CARHSP1: variants seen among roughly 807,000 people sequenced by gnomAD.
The protein encoded by CARHSP1 is calcium regulated heat stable protein 1.
In CARHSP1, 14 loss-of-function variants were observed where a neutral mutation model predicts 12.5. The observed-to-expected ratio is 1.12, with a 90% CI of 0.74 to 1.75. The LOEUF (loss-of-function observed/expected upper bound fraction) is 1.75. Ranked by LOEUF, CARHSP1 falls within the 40% of genes most tolerant of loss-of-function variation. CARHSP1 has a pLI of 0.00. For synonymous variants in CARHSP1, 161 were observed against 82.0 expected, an observed-to-expected ratio of 1.96 and a Z score of -5.20; for missense variants, 343 against 201.6, an observed-to-expected ratio of 1.70 and a Z score of -4.25.
chr16:8,856,513 T>TC (rs767751635), intron 3 of CARHSP1, among the ~76,000 whole-genome samples: 13 of 152,192 alleles, frequency 8.5e-5, no homozygotes, highest in Admixed American at 3.3e-4. Context: ...CAAAATCCTT[T>TC]CTGGGACAAG....
chr16:8,865,275 A>T (rs965685264), intron 1 of CARHSP1, among the ~76,000 whole-genome samples: 1 of 151,884 alleles, frequency 6.6e-6, no homozygotes, highest in Non-Finnish European at 1.5e-5. Context: ...ACACCCAGCC[A>T]ATTGTTGTAT....
chr16:8,856,945 G>C (rs1324851117), intron 3 of CARHSP1, among the ~76,000 whole-genome samples: 1 of 152,150 alleles, frequency 6.6e-6, no homozygotes, highest in Non-Finnish European at 1.5e-5. Context: ...AAGGACGTCA[G>C]TAAGCATGCA....
chr16:8,858,955 C>T (rs2061248550), intron 2 of CARHSP1: 1 of 479,150 alleles, frequency 2.1e-6, no homozygotes, highest in African/African-American at 1.9e-5. Context: ...CACCCATTGC[C>T]ACTCCCAGCT....
intron 1 of CARHSP1, 105 bp from the exon 2 acceptor site, chr16:8,859,440 C>A (rs574126875): frequency 3.0e-6 from 3 of 1,001,828 alleles, no homozygotes; most frequent in Non-Finnish European, 4.4e-6. Context: ...GCTCATTCCT[C>A]TCGGGCACCT....
chr16:8,861,715 G>A (rs1341481555), intron 1 of CARHSP1: 4 of 1,288,128 alleles, frequency 3.1e-6, no homozygotes, highest in Admixed American at 2.3e-5. Flanking sequence ...GAACTCCTGA[G>A]TCCGGGGAGC....
In CARHSP1 at chr16:8,862,810, G is replaced by A. The variant is rs139796548; in HGVS notation, c.-7-3475C>T. ...AGGGCCCGCTCAGGAATCATGCCGCGTCATCATCATCATCACTGTCATTGT... is the reference window on the plus strand; with the variant it reads ...AGGGCCCGCTCAGGAATCATGCCGCATCATCATCATCATCACTGTCATTGT... On this transcript the variant is annotated intron_variant, in intron 1 of 3. Coordinates refer to ENST00000311052, the MANE Select transcript of CARHSP1 (RefSeq NM_014316.4). Among the ~76,000 whole-genome samples, 597 of 152,214 alleles carry A rather than the reference G, an allele frequency of 3.9e-3. 11 individuals carry two copies. The highest frequency in any genetic ancestry group is 0.014 in the African/African-American group (565 of 41,532).
At chr16:8,861,207 CAG>C (rs1160517365) in intron 1 of CARHSP1, among the ~76,000 whole-genome samples, 4 of 82,584 alleles carry the variant, frequency 4.8e-5, no homozygotes, top group Non-Finnish European at 8.5e-5. Flanking sequence ...TTTATAGAGA[CAG>C]GGTATCACTA....
At chr16:8,857,527 G>A (rs1449195827) in intron 3 of CARHSP1, 1 of 137,202 alleles carries the variant, frequency 7.3e-6, no homozygotes, top group Non-Finnish European at 1.5e-5. Flanking sequence ...CCTGACCTCA[G>A]GTGATCCGCC....
Position 8,855,322 on chromosome 16 carries a change from CCA to C in CARHSP1, c.284_285del (p.Val95GlyfsTer15), listed in dbSNP as rs765801909. 1 of 1,598,160 alleles carries C rather than the reference CCA, an allele frequency of 6.3e-7. No individual in the cohort carries two copies. The highest frequency in any genetic ancestry group is 1.7e-5 in the Admixed American group (1 of 58,966). On this transcript the variant is annotated frameshift_variant and splice_region_variant, in exon 4 of 4. Transcript: ENST00000311052. LOFTEE classifies it high-confidence loss of function. The stretch of plus-strand genomic sequence containing the variant: ...CCTTCCACTGGGACATACTCCCCTT[CCA>C]CACTACGGGGGCATAAATAAAGCAG... Reference protein sequence around the residue: ...GPDIFLHISDVEGEYVPVEGD... With the variant: ...GPDIFLHISDXEGEYVPVEGD...
At chr16:8,862,751 A>G (rs1417687143) in intron 1 of CARHSP1, among the ~76,000 whole-genome samples, 2 of 152,178 alleles carry the variant, frequency 1.3e-5, no homozygotes, top group Non-Finnish European at 2.9e-5. Flanking sequence ...GTGGGGGACT[A>G]GGAATGGGAG....
chr16:8,855,774 A>C (rs540638504), intron 3 of CARHSP1, among the ~76,000 whole-genome samples: 43 of 152,304 alleles, frequency 2.8e-4, no homozygotes, highest in South Asian at 6.2e-4. Flanking sequence ...CCCTGGTTCC[A>C]GGAGTCTCAG....
chr16:8,858,900 CTCAT>C (rs2061246246), intron 2 of CARHSP1: 2 of 434,698 alleles, frequency 4.6e-6, no homozygotes, highest in East Asian at 7.3e-5. Context: ...GAACCAGACT[CTCAT>C]GTGTGGTTAA....
At chr16:8,857,956 G>A (rs1012121856) in intron 3 of CARHSP1, 5 of 169,548 alleles carry the variant, frequency 2.9e-5, no homozygotes, top group African/African-American at 4.8e-5. Flanking sequence ...TAGTAGAGAC[G>A]GGATTTCACC....
chr16:8,853,213 AATCCCAGGGTCACAGGAGAG>A lies in CARHSP1; in HGVS notation c.*1931_*1950del, dbSNP rs1350157066. 6.6e-6 allele frequency: 1 copy of A among 152,180 alleles called. No individual in the cohort carries two copies. Among genetic ancestry groups the A allele is most frequent in the Non-Finnish European group, 1.5e-5 (1 of 68,068 alleles). 9.4% of individuals were successfully genotyped at this position (152,180 alleles called of 1,614,324 possible). A position where few individuals can be genotyped will look rare whatever the true frequency, so the allele number is the denominator to read the frequency against. On this transcript the variant is annotated 3_prime_UTR_variant, in exon 4 of 4. Transcript: ENST00000311052. ...CTGACAAAGGATTCTGCCAAGACAG[AATCCCAGGGTCACAGGAGAG>A]AGGCTTGGGGCAGTGAAAGCCCTCT...
rs780732025 is a variant in CARHSP1 at position 8,858,353 on chromosome 16, G to C, written c.278C>G (p.Ser93Cys). The change falls in exon 3 of 4, where the codon TCT becomes TGT. Residue 93 changes from serine (S) to cysteine (C), a missense_variant. By Grantham distance (112) the Ser-to-Cys change is moderately radical. Coordinates refer to ENST00000311052, the MANE Select transcript of CARHSP1 (RefSeq NM_014316.4). ...DGGPDIFLHI[S>C]DVEGEYVPVE... The stretch of plus-strand genomic sequence containing the variant: ...CCCAGACCTGCCGCTGACTCACTCA[G>C]AGATGTGCAGGAAGATGTCGGGGCC... The C allele has an allele frequency of 1.2e-6, 2 of 1,613,652 alleles. No homozygotes were observed. The highest frequency in any genetic ancestry group is 1.7e-6 in the Non-Finnish European group (2 of 1,179,972).
At chr16:8,860,912 T>C (rs147076856) in intron 1 of CARHSP1, among the ~76,000 whole-genome samples, 1,783 of 151,214 alleles carry the variant, frequency 0.012, 36 homozygotes, top group African/African-American at 0.041. Context: ...TAGCTGGGCG[T>C]GGTGGTGGGT....
intron 3 of CARHSP1, chr16:8,857,750 C>G (rs1360461054): frequency 7.5e-6 from 1 of 133,166 alleles, no homozygotes; most frequent in East Asian, 2.3e-4. Flanking sequence ...TCACCACGCC[C>G]TGCTCATTAT....
rs985613508 is a variant in CARHSP1 at position 8,853,651 on chromosome 16, G to C, written c.*1513C>G. The stretch of plus-strand genomic sequence containing the variant: ...GTTTCCAAAAGGTTTGCTTGCCTCT[G>C]TTCAGTGGATTCTTGACTACATATA... On this transcript the variant is annotated 3_prime_UTR_variant, in exon 4 of 4. Transcript: ENST00000311052. 3.9e-5 allele frequency: 6 copies of C among 152,138 alleles called. No individual in the cohort carries two copies. The highest frequency in any genetic ancestry group is 4.8e-5 in the African/African-American group (2 of 41,442). The allele number at this position is 152,138 out of a possible 1,614,324, so 9.4% of individuals were successfully genotyped here.
At position 8,855,317 on chromosome 16, in the gene CARHSP1, C is replaced by T. The variant is rs765596310; in HGVS notation, c.291G>A (p.Gly97=). The T allele has an allele frequency of 2.5e-6, 4 of 1,601,664 alleles. No individual in the cohort carries two copies. The highest frequency in any genetic ancestry group is 2.3e-5 in the East Asian group (1 of 44,280). ...DIFLHISDVE[G]EYVPVEGDEV... is the part of the protein sequence containing the mutation. ...CGTCGCCTTCCACTGGGACATACTC[C>T]CCTTCCACACTACGGGGGCATAAAT... Residue 97 remains glycine, a synonymous_variant, in exon 4 of 4, where the codon GGG becomes GGA. Transcript: ENST00000311052.
Sources: gnomAD v4.1 joint callset for allele counts (sites outside exome capture counted in the v4.1 genomes callset) on GRCh38, gnomAD v4.1.1 for gene constraint, MANE v1.5 for transcripts, NCBI Gene and HGNC (gene_info 2026-07-23, HGNC 2026-07-21) for gene names.